Variants in NOSTRIN observed in about 807,000 individuals in gnomAD.
NOSTRIN encodes BM247 homolog.
Under a neutral mutation model 59.0 loss-of-function variants are expected in NOSTRIN, and 63 were observed. The observed-to-expected ratio is 1.07, with a 90% CI of 0.87 to 1.32. The LOEUF is 1.32. Among genes scored for constraint, NOSTRIN ranks in the 40% most tolerant of loss-of-function variants. The pLI is 0.00. For missense variants in NOSTRIN, 512 were observed against 473.1 expected (o/e 1.08, Z -0.76); for synonymous variants, 200 against 165.4 (o/e 1.21, Z -1.61).
Position 168,861,971 on chromosome 2 carries a change from G to A in NOSTRIN, c.1306G>A (p.Ala436Thr), listed in dbSNP as rs750158413. ...PGSSTPAPGAAQLSSRLCKAL... is the reference protein window; with the variant it reads ...PGSSTPAPGATQLSSRLCKAL... ...TTTATCTATTTCAGCCCCTGGTGCA[G>A]CCCAGCTCAGCAGCAGACTTTGCAA... is the stretch of plus-strand genomic sequence containing the variant. Residue 436 changes from alanine to threonine, a missense_variant, in exon 15 of 16, where the codon GCC becomes ACC. Coordinates refer to ENST00000317647, the MANE Select transcript of NOSTRIN (RefSeq NM_001039724.4). 104 of 1,614,148 alleles carry A rather than the reference G, an allele frequency of 6.4e-5. No homozygotes were observed. The Middle Eastern group carries it at 1.6e-3, about 26-fold the overall frequency.
chr2:168,805,229 C>T (rs979104343), intron 1 of NOSTRIN, among the ~76,000 whole-genome samples: 2 of 152,170 alleles, frequency 1.3e-5, no homozygotes, highest in Non-Finnish European at 2.9e-5. Context: ...AGAGCAAGGT[C>T]AGTGTTTGAG....
At chr2:168,860,056 C>G (rs1689346397) in intron 13 of NOSTRIN, among the ~76,000 whole-genome samples, 3 of 152,080 alleles carry the variant, frequency 2.0e-5, no homozygotes, top group Non-Finnish European at 4.4e-5. Context: ...CTCTGAAATG[C>G]TTGTAGCTAT....
At chr2:168,859,708 AGGGC>A in intron 13 of NOSTRIN, 71 bp downstream of exon 13, 1 of 1,542,060 alleles carries the variant, frequency 6.5e-7, no homozygotes. Context: ...AAGTAGCATC[AGGGC>A]AAAAAAGGTG....
intron 1 of NOSTRIN, among the ~76,000 whole-genome samples, chr2:168,805,430 A>G (rs1685797454): frequency 6.6e-6 from 1 of 152,232 alleles, no homozygotes; most frequent in Non-Finnish European, 1.5e-5. Flanking sequence ...TCTTAAACCT[A>G]AAAATATGTC....
At chr2:168,796,918 A>G (rs1685493255), upstream of NOSTRIN, among the ~76,000 whole-genome samples, 3 of 152,172 alleles carry the variant, frequency 2.0e-5, no homozygotes, top group African/African-American at 4.8e-5. Context: ...AAACTTGCGA[A>G]TGAAGTCACT....
At chr2:168,798,455 C>T (rs1685537691), upstream of NOSTRIN, among the ~76,000 whole-genome samples, 1 of 152,194 alleles carries the variant, frequency 6.6e-6, no homozygotes, top group Admixed American at 6.5e-5. Context: ...ATGTTGTTAA[C>T]TCCCCTTAGA....
intron 7 of NOSTRIN, among the ~76,000 whole-genome samples, chr2:168,836,804 C>T (rs1687746496): frequency 6.6e-6 from 1 of 152,214 alleles, no homozygotes. Flanking sequence ...ATTCTGCCTC[C>T]CAGAGGCCCT....
At chr2:168,794,353 AT>A (rs61395235), upstream of NOSTRIN, among the ~76,000 whole-genome samples, 220 of 141,558 alleles carry the variant, frequency 1.6e-3, no homozygotes, top group Middle Eastern at 3.6e-3. Context: ...AAAAGGGATG[AT>A]TTTTTTTTTT....
intron 7 of NOSTRIN, 140 bp from the exon 8 acceptor site, chr2:168,842,852 T>C: frequency 1.6e-6 from 1 of 636,926 alleles, no homozygotes; most frequent in African/African-American, 1.8e-5. Context: ...TCTTTCATTT[T>C]GTCAACTATA....
At chr2:168,788,391 A>G (rs1348072630) in intron 2 of NOSTRIN, among the ~76,000 whole-genome samples, 1 of 152,130 alleles carries the variant, frequency 6.6e-6, no homozygotes, top group African/African-American at 2.4e-5. Flanking sequence ...TGAGGGAATC[A>G]CTGTGGCCCG....
rs1553527236 is a variant in NOSTRIN, at chr2:168,834,511, A to ACACACACACGCG, written c.504+195_504+196insGCGCACACACAC. On this transcript the variant is annotated intron_variant, in intron 7 of 15. Coordinates refer to ENST00000317647, the MANE Select transcript of NOSTRIN (RefSeq NM_001039724.4). ...GGCGTGCGCGCGCGCGCGCGCGCACACACACACACACACACACACACACAC... is the reference window on the plus strand; with the variant it reads ...GGCGTGCGCGCGCGCGCGCGCGCACACACACACACGCGCACACACACACACACACACACACAC... Among the ~76,000 whole-genome samples, 57 of 129,492 alleles carry ACACACACACGCG rather than the reference A, an allele frequency of 4.4e-4. 1 individual carries two copies. Among genetic ancestry groups the ACACACACACGCG allele is most frequent in the Admixed American group, 3.3e-3 (43 of 12,948 alleles). 85.0% of individuals were successfully genotyped at this position (129,492 alleles called of 152,430 possible).
rs971542641 is a variant in NOSTRIN at position 168,864,377 on chromosome 2, C to T, written c.1385-457C>T. Among the ~76,000 whole-genome samples, 38 of 151,928 alleles carry T rather than the reference C, an allele frequency of 2.5e-4. 1 individual carries two copies. Among genetic ancestry groups the T allele is most frequent in the Admixed American group, 1.8e-3 (28 of 15,240 alleles). The stretch of plus-strand genomic sequence containing the variant: ...TCTCAGCTCACTGCAACCTCTGCCT[C>T]CCGGGTTCAAGGATTCTCCTGCCTC... On this transcript the variant is annotated intron_variant, in intron 15 of 15. Coordinates refer to ENST00000317647, the MANE Select transcript of NOSTRIN (RefSeq NM_001039724.4).
Position 168,865,115 on chromosome 2 carries a change from T to G in NOSTRIN, c.*145T>G. The G allele has an allele frequency of 1.2e-6, 1 of 828,532 alleles. No homozygotes were observed. Among genetic ancestry groups the G allele is most frequent in the Non-Finnish European group, 1.8e-6 (1 of 542,594 alleles). 51.3% of individuals were successfully genotyped at this position (828,532 alleles called of 1,614,324 possible). A position where few individuals can be genotyped will look rare whatever the true frequency, so the allele number is the denominator to read the frequency against. ...TGCATGTCACAGCACTTTGCATTCATGATTATTAGCTTGAAACAGTCAGAA... is the reference window on the plus strand; with the variant it reads ...TGCATGTCACAGCACTTTGCATTCAGGATTATTAGCTTGAAACAGTCAGAA... On this transcript the variant is annotated 3_prime_UTR_variant, in exon 16 of 16. Transcript: ENST00000317647.
At chr2:168,834,510 C>CAT in intron 7 of NOSTRIN, among the ~76,000 whole-genome samples, 185 bp downstream of exon 7, 2 of 98,942 alleles carry the variant, frequency 2.0e-5, no homozygotes, top group Admixed American at 1.1e-4. Context: ...CGCGCGCGCA[C>CAT]ACACACACAC....
chr2:168,806,985 G>A (rs1685883281), intron 1 of NOSTRIN, among the ~76,000 whole-genome samples: 1 of 152,186 alleles, frequency 6.6e-6, no homozygotes, highest in African/African-American at 2.4e-5. Flanking sequence ...AAATGTATTT[G>A]TTTCTGATGG....
At chr2:168,830,467 G>T (rs986231217) in intron 5 of NOSTRIN, among the ~76,000 whole-genome samples, 3 of 152,118 alleles carry the variant, frequency 2.0e-5, no homozygotes, top group Non-Finnish European at 2.9e-5. Flanking sequence ...TTTTCATTAT[G>T]TCTGTTACAA....
intron 1 of NOSTRIN, among the ~76,000 whole-genome samples, chr2:168,803,282 C>T (rs983289602): frequency 1.3e-5 from 2 of 152,002 alleles, no homozygotes; most frequent in African/African-American, 2.4e-5. Flanking sequence ...GTGAGGTCTC[C>T]GGCGGCAATA....
intron 12 of NOSTRIN, 121 bp from the exon 13 acceptor site, chr2:168,859,391 T>G: frequency 7.0e-7 from 1 of 1,419,058 alleles, no homozygotes; most frequent in Admixed American, 2.3e-5. Context: ...TGTGAATATC[T>G]GTATGAGTTA....
intron 1 of NOSTRIN, among the ~76,000 whole-genome samples, chr2:168,805,944 C>T (rs938103525): frequency 1.3e-5 from 2 of 152,192 alleles, no homozygotes; most frequent in African/African-American, 2.4e-5. Context: ...TGTAACATGC[C>T]ATTCCACATT....
Sources: allele counts gnomAD v4.1 joint callset (sites outside exome capture counted in the v4.1 genomes callset), GRCh38; gene constraint gnomAD v4.1.1; transcripts MANE v1.5; gene names NCBI Gene and HGNC (gene_info 2026-07-23, HGNC 2026-07-21).